The following TCF4 variants were observed in gnomAD, a reference collection of about 807,000 sequenced individuals.
TCF4 encodes the protein transcription factor 4.
In TCF4, 3 loss-of-function variants were observed where a neutral mutation model predicts 82.1. That is an observed-to-expected ratio of 0.04 (90% CI 0.02 to 0.09). The LOEUF (loss-of-function observed/expected upper bound fraction) is 0.09, where lower values mean the gene tolerates loss of function less well. TCF4 is among the 10% of genes least tolerant of loss of function. TCF4 has a pLI of 1.00. For missense variants in TCF4, 518 were observed against 852.7 expected, an observed-to-expected ratio of 0.61 and a Z score of 4.89; for synonymous variants, 276 against 309.6, an observed-to-expected ratio of 0.89 and a Z score of 1.14.
At position 55,569,605 on chromosome 18, in the gene TCF4, T is replaced by A. The variant is rs150183212; in HGVS notation, c.145+15675A>T. 2.0e-5 allele frequency among the ~76,000 whole-genome samples: 3 copies of A among 151,752 alleles called. No individual in the cohort carries two copies. In the East Asian group the frequency reaches 5.8e-4, roughly 29 times the overall value. ...CTTTCTATATACAAGTAACAAATAA[T>A]TTGAATAATTAAAAAAATATACTGG... On this transcript the variant is annotated intron_variant, in intron 3 of 19. Transcript: ENST00000354452.
intron 8 of TCF4, among the ~76,000 whole-genome samples, chr18:55,339,419 C>T (rs909769934): frequency 3.3e-5 from 5 of 152,152 alleles, no homozygotes; most frequent in African/African-American, 1.2e-4. Context: ...AACCAATATC[C>T]TTTGTAATCC....
intron 5 of TCF4, among the ~76,000 whole-genome samples, chr18:55,448,785 C>G (rs2095570168): frequency 6.6e-6 from 1 of 152,312 alleles, no homozygotes; most frequent in South Asian, 2.1e-4. Context: ...GCTTTTTATG[C>G]CAGAGCAGGT....
At chr18:55,604,824 G>A (rs533560135) in intron 2 of TCF4, among the ~76,000 whole-genome samples, 1 of 152,134 alleles carries the variant, frequency 6.6e-6, no homozygotes, top group African/African-American at 2.4e-5. Context: ...TACTTGCTAC[G>A]ACTTTTCCAG....
At chr18:55,515,445 C>A (rs1363005130) in intron 3 of TCF4, among the ~76,000 whole-genome samples, 1 of 152,188 alleles carries the variant, frequency 6.6e-6, no homozygotes, top group Non-Finnish European at 1.5e-5. Context: ...GACTAAGCAT[C>A]TCAGCAGCTG....
intron 8 of TCF4, among the ~76,000 whole-genome samples, chr18:55,334,150 C>G (rs2078149513): frequency 2.0e-5 from 3 of 152,214 alleles, no homozygotes; most frequent in Non-Finnish European, 4.4e-5. Flanking sequence ...TGTGGGGACA[C>G]AGACTAAACT....
intron 3 of TCF4, among the ~76,000 whole-genome samples, chr18:55,573,204 G>C (rs1347579822): frequency 3.3e-5 from 5 of 151,448 alleles, no homozygotes; most frequent in Non-Finnish European, 7.4e-5. Flanking sequence ...AAAGGCAGTG[G>C]CTATCACACA....
At position 55,461,035 on chromosome 18, in the gene TCF4, G is replaced by C. The variant is rs1386923824; in HGVS notation, c.288C>G (p.Val96=). 1 of 1,613,210 alleles carries C rather than the reference G, an allele frequency of 6.2e-7. No individual in the cohort carries two copies. Among genetic ancestry groups the C allele is most frequent in the Admixed American group, 1.7e-5 (1 of 59,934 alleles). The change falls in exon 5 of 20, where the codon GTC becomes GTG. Residue 96 remains valine, a synonymous_variant. Transcript: ENST00000354452. Reference sequence around the variant, plus strand: ...GGGTCTTACTTTGTATTCTGGAATTGACAAAAGGTGGAGAGAGATTGTCAT... The same window carrying C: ...GGGTCTTACTTTGTATTCTGGAATTCACAAAAGGTGGAGAGAGATTGTCAT... ...GSHDNLSPPF[V]NSRIQSKTER... is the part of the protein sequence containing the mutation.
chr18:55,628,198 G>A (rs972692954), intron 2 of TCF4, among the ~76,000 whole-genome samples: 10 of 152,232 alleles, frequency 6.6e-5, no homozygotes, highest in African/African-American at 1.7e-4. Context: ...CTCTTGCCCC[G>A]TATATTCAGA....
intron 3 of TCF4, chr18:55,482,913 CCT>C (rs1156474192): frequency 6.6e-6 from 1 of 152,208 alleles, no homozygotes; most frequent in Non-Finnish European, 1.5e-5. Flanking sequence ...CCTTGTCCCC[CCT>C]GACTAGCAAT....
rs896749345 is a variant in TCF4 at position 55,631,007 on chromosome 18, G to T, written c.286+291C>A. 2.6e-5 allele frequency among the ~76,000 whole-genome samples: 4 copies of T among 151,618 alleles called. No homozygotes were observed. In the East Asian group the frequency reaches 7.7e-4, roughly 29 times the overall value. On this transcript the variant is annotated intron_variant, in intron 2 of 20. Transcript: ENST00000398339. ...ACTGGGTCAGTACATACAAGGCCTTGTTGGACATATGCAACATGTTTATCT... is the reference window on the plus strand; with the variant it reads ...ACTGGGTCAGTACATACAAGGCCTTTTTGGACATATGCAACATGTTTATCT...
intron 8 of TCF4, among the ~76,000 whole-genome samples, chr18:55,309,828 G>A (rs1020939235): frequency 5.3e-5 from 8 of 152,030 alleles, no homozygotes; most frequent in African/African-American, 1.9e-4. Context: ...GAAATACTGA[G>A]AGTGCAACAC....
At chr18:55,233,816 CA>C (rs34564671) in intron 16 of TCF4, among the ~76,000 whole-genome samples, 5,324 of 62,940 alleles carry the variant, frequency 0.085, 165 homozygotes, top group African/African-American at 0.19. Flanking sequence ...GAGGCTCTGT[CA>C]AAAAAAAAAA....
At chr18:55,311,664 T>C (rs1262815070) in intron 8 of TCF4, among the ~76,000 whole-genome samples, 1 of 152,232 alleles carries the variant, frequency 6.6e-6, no homozygotes, top group Admixed American at 6.5e-5. Context: ...TGTGATCTTA[T>C]GGCCCTCCAT....
chr18:55,493,248 A>C (rs2096594619), intron 3 of TCF4, among the ~76,000 whole-genome samples: 1 of 152,064 alleles, frequency 6.6e-6, no homozygotes, highest in African/African-American at 2.4e-5. Flanking sequence ...AATTTAAAAA[A>C]CCTTTTGGGC....
chr18:55,229,855 C>A (rs2047380899), intron 17 of TCF4: 1 of 152,216 alleles, frequency 6.6e-6, no homozygotes, highest in South Asian at 2.1e-4. Context: ...TTCAACAAAC[C>A]AAACACCTGC....
At chr18:55,357,250 G>A (rs1026378491) in intron 6 of TCF4, among the ~76,000 whole-genome samples, 1 of 152,080 alleles carries the variant, frequency 6.6e-6, no homozygotes, top group Non-Finnish European at 1.5e-5. Flanking sequence ...ATATTTGTTG[G>A]CGGGAAGGTA....
chr18:55,270,017 A>G, intron 10 of TCF4, 54 bp from the exon 11 acceptor site: 3 of 1,606,690 alleles, frequency 1.9e-6, no homozygotes, highest in Non-Finnish European at 1.7e-6. Flanking sequence ...GTATTTAGTG[A>G]GTTATTTTCA....
Position 55,254,189 on chromosome 18 carries a change from T to C in TCF4, c.1350+308A>G, listed in dbSNP as rs559599881. Among the ~76,000 whole-genome samples, 14 of 152,234 alleles carry C rather than the reference T, an allele frequency of 9.2e-5. 1 individual carries two copies. The East Asian group carries it at 2.1e-3, about 23-fold the overall frequency. ...TCCAGAATAGGTAAATCTATAGACATAGGAAGTAGACAAGTGGTTGCCAAG... is the reference window on the plus strand; with the variant it reads ...TCCAGAATAGGTAAATCTATAGACACAGGAAGTAGACAAGTGGTTGCCAAG... On this transcript the variant is annotated intron_variant, in intron 15 of 19. Transcript: ENST00000354452.
chr18:55,545,558 C>T (rs1052958090), intron 3 of TCF4, among the ~76,000 whole-genome samples: 4 of 152,096 alleles, frequency 2.6e-5, no homozygotes, highest in African/African-American at 9.7e-5. Context: ...AAGCAATTCT[C>T]CTACCTCAGC....
Sources: allele counts gnomAD v4.1 joint callset (sites outside exome capture counted in the v4.1 genomes callset), GRCh38; gene constraint gnomAD v4.1.1; transcripts MANE v1.5; gene names NCBI Gene and HGNC (gene_info 2026-07-23, HGNC 2026-07-21).